Variants in RNF180 observed in about 807,000 individuals in gnomAD.
The protein encoded by RNF180 is E3 ubiquitin-protein ligase RNF180.
A neutral mutation model predicts 59.2 loss-of-function variants in RNF180; 38 were observed. The observed-to-expected ratio is 0.64, with a 90% confidence interval of 0.50 to 0.84. RNF180 has a LOEUF of 0.84. Among genes scored for constraint, RNF180 ranks in the 40% least tolerant of loss-of-function variants. The pLI, the probability that RNF180 is intolerant of heterozygous loss-of-function variation, is 0.00. For synonymous variants in RNF180, 262 were observed against 240.3 expected (o/e 1.09, Z -0.84); for missense variants, 705 against 700.9 (o/e 1.01, Z -0.07).
rs926889069 is a variant in RNF180 at position 64,330,301 on chromosome 5, A to G, written c.1474A>G (p.Thr492Ala). 4.7e-6 allele frequency: 7 copies of G among 1,500,276 alleles called. No individual in the cohort carries two copies. The African/African-American group carries it at 9.8e-5, about 21-fold the overall frequency. The allele number at this position is 1,500,276 out of a possible 1,614,324, so 92.9% of individuals were successfully genotyped here. A position where few individuals can be genotyped will look rare whatever the true frequency, so the allele number is the denominator to read the frequency against. ...FQTELNNATK[T>A]FFTKEYLKIK... ...TCTAGAATTGAACAATGCCACAAAA[A>G]CTTTCTTTACTAAAGAATATTTGAA... Residue 492 changes from threonine (T) to alanine (A), a missense_variant, in exon 7 of 8, where the codon ACT becomes GCT. Transcript: ENST00000389100.
At chr5:64,356,053 C>A (rs1746008309) in intron 7 of RNF180, among the ~76,000 whole-genome samples, 1 of 151,394 alleles carries the variant, frequency 6.6e-6, no homozygotes, top group East Asian at 2.0e-4. Context: ...GCCGGGAGTT[C>A]AAGACCAACC....
At chr5:64,346,616 C>T (rs566930110) in intron 7 of RNF180, among the ~76,000 whole-genome samples, 1 of 151,942 alleles carries the variant, frequency 6.6e-6, no homozygotes, top group East Asian at 1.9e-4. Context: ...GTGATCCACC[C>T]GCCTCGGCCT....
intron 5 of RNF180, among the ~76,000 whole-genome samples, chr5:64,244,361 T>A (rs2112248270): frequency 6.6e-6 from 1 of 151,750 alleles, no homozygotes; most frequent in South Asian, 2.1e-4. Flanking sequence ...GAGAAATTGC[T>A]AACTAGAATA....
chr5:64,330,192 T>A (rs1580263766), intron 6 of RNF180, 89 bp from the exon 7 acceptor site: 2 of 862,108 alleles, frequency 2.3e-6, no homozygotes, highest in East Asian at 5.4e-5. Flanking sequence ...TATCAAATAG[T>A]ATCAAAATAC....
At chr5:64,203,356 A>C (rs1012177566) in intron 2 of RNF180, among the ~76,000 whole-genome samples, 1 of 152,114 alleles carries the variant, frequency 6.6e-6, no homozygotes, top group Non-Finnish European at 1.5e-5. Flanking sequence ...TAATTTGTAG[A>C]CCATAAAATT....
chr5:64,328,634 T>C (rs1045372522), intron 6 of RNF180, among the ~76,000 whole-genome samples: 2 of 152,168 alleles, frequency 1.3e-5, no homozygotes, highest in Non-Finnish European at 2.9e-5. Flanking sequence ...GAGTTGCAGG[T>C]TTAATAGATA....
intron 5 of RNF180, among the ~76,000 whole-genome samples, chr5:64,306,585 C>A (rs958533761): frequency 1.3e-5 from 2 of 151,604 alleles, no homozygotes; most frequent in African/African-American, 4.8e-5. Flanking sequence ...AAATGTCCAA[C>A]AATGATAGAC....
intron 1 of RNF180, among the ~76,000 whole-genome samples, chr5:64,178,577 A>C (rs1750387999): frequency 6.6e-6 from 1 of 152,234 alleles, no homozygotes; most frequent in African/African-American, 2.4e-5. Context: ...TTTCTAGTCT[A>C]ATTCAGTTAC....
Position 64,200,933 on chromosome 5 carries a change from A to G in RNF180, c.126A>G (p.Gln42=). 1 of 1,613,802 alleles carries G rather than the reference A, an allele frequency of 6.2e-7. No homozygotes were observed. The highest frequency in any genetic ancestry group is 8.5e-7 in the Non-Finnish European group (1 of 1,179,798). The change falls in exon 2 of 8, where the codon CAA becomes CAG. Residue 42 remains glutamine, a synonymous_variant. Coordinates refer to ENST00000389100, the MANE Select transcript of RNF180 (RefSeq NM_001113561.2). ...SGCFMEYLEN[Q]VIKDKDDSVD... ...GTTTTATGGAGTATCTTGAGAATCA[A>G]GTGATTAAGGTGAGTATTGGTAACT... is the stretch of plus-strand genomic sequence containing the variant.
intron 7 of RNF180, among the ~76,000 whole-genome samples, chr5:64,336,557 A>G (rs765874708): frequency 2.6e-5 from 4 of 152,178 alleles, no homozygotes; most frequent in African/African-American, 4.8e-5. Flanking sequence ...GTTCTCCCAA[A>G]TGACTAGCCT....
At chr5:64,245,287 A>G (rs188501982) in intron 5 of RNF180, among the ~76,000 whole-genome samples, 2 of 152,366 alleles carry the variant, frequency 1.3e-5, no homozygotes, top group East Asian at 3.9e-4. Context: ...TTAAATATAA[A>G]TGGGCTAAAT....
chr5:64,235,644 A>G (rs749135805), intron 5 of RNF180, among the ~76,000 whole-genome samples: 14 of 152,004 alleles, frequency 9.2e-5, no homozygotes, highest in African/African-American at 1.7e-4. Flanking sequence ...ATTTCTATCT[A>G]AATTCCAAAT....
At chr5:64,300,599 C>T (rs1248775091) in intron 5 of RNF180, among the ~76,000 whole-genome samples, 2 of 151,670 alleles carry the variant, frequency 1.3e-5, no homozygotes, top group Non-Finnish European at 3.0e-5. Context: ...ATGTATTCCC[C>T]TCAGATAAGC....
intron 5 of RNF180, among the ~76,000 whole-genome samples, chr5:64,313,024 T>C (rs1267971678): frequency 6.6e-6 from 1 of 152,132 alleles, no homozygotes; most frequent in Non-Finnish European, 1.5e-5. Context: ...TTTCAGACTT[T>C]GGGTATTTTC....
chr5:64,316,474 G>A (rs928121769), intron 5 of RNF180, among the ~76,000 whole-genome samples: 1 of 152,098 alleles, frequency 6.6e-6, no homozygotes, highest in African/African-American at 2.4e-5. Context: ...GACAATGTGT[G>A]GTCTGAGTGA....
At chr5:64,183,599 C>T (rs1750725947) in intron 1 of RNF180, among the ~76,000 whole-genome samples, 1 of 151,904 alleles carries the variant, frequency 6.6e-6, no homozygotes, top group African/African-American at 2.4e-5. Context: ...AGGCGTGTGC[C>T]ACCACACCTG....
At chr5:64,353,623 A>G (rs984642404) in intron 7 of RNF180, among the ~76,000 whole-genome samples, 2 of 151,844 alleles carry the variant, frequency 1.3e-5, no homozygotes, top group African/African-American at 2.4e-5. Flanking sequence ...CCTAATGTCA[A>G]GTATTATAGC....
At chr5:64,274,810 G>A (rs557720349) in intron 5 of RNF180, among the ~76,000 whole-genome samples, 1 of 151,968 alleles carries the variant, frequency 6.6e-6, no homozygotes, top group Admixed American at 6.6e-5. Flanking sequence ...GTAGAATTTT[G>A]ACTCCTATAT....
chr5:64,258,243 C>T (rs563397426), intron 5 of RNF180, among the ~76,000 whole-genome samples: 14 of 151,946 alleles, frequency 9.2e-5, no homozygotes, highest in Non-Finnish European at 1.9e-4. Context: ...ATGTAGAGAC[C>T]AAAACTAAAA....
Sources: allele counts gnomAD v4.1 joint callset (sites outside exome capture counted in the v4.1 genomes callset), GRCh38; gene constraint gnomAD v4.1.1; transcripts MANE v1.5; gene names NCBI Gene and HGNC (gene_info 2026-07-23, HGNC 2026-07-21).